Variants in TGM6 observed in about 807,000 individuals in gnomAD.
TGM6 encodes the protein protein-glutamine gamma-glutamyltransferase 6.
Under a neutral mutation model 77.5 loss-of-function variants are expected in TGM6, and 74 were observed. That is an observed-to-expected ratio of 0.96 (90% confidence interval 0.79 to 1.16). The LOEUF (loss-of-function observed/expected upper bound fraction) is 1.16, where lower values mean the gene tolerates loss of function less well. Ranked by LOEUF, TGM6 falls within the 50% of genes most tolerant of loss-of-function variation. The pLI is 0.00. For synonymous variants in TGM6, 383 were observed against 378.9 expected, an observed-to-expected ratio of 1.01 and a Z score of -0.12; for missense variants, 968 against 940.2, an observed-to-expected ratio of 1.03 and a Z score of -0.39.
intron 1 of TGM6, among the ~76,000 whole-genome samples, chr20:2,383,461 A>C (rs1421014309): frequency 6.6e-6 from 1 of 152,124 alleles, no homozygotes; most frequent in Non-Finnish European, 1.5e-5. Flanking sequence ...CCAGCTGGTG[A>C]GCAAATTAGT....
chr20:2,416,281 G>A lies in TGM6; in HGVS notation c.1337-951G>A, dbSNP rs111238589. 4.6e-5 allele frequency among the ~76,000 whole-genome samples: 7 copies of A among 152,248 alleles called. 1 individual carries two copies. The highest frequency in any genetic ancestry group is 1.4e-4 in the African/African-American group (6 of 41,538). ...AGTACTACAAATATACAGAAACCCC[G>A]ACAGTGTGACATTGGCATAAGAAGG... On this transcript the variant is annotated intron_variant, in intron 9 of 12. Coordinates refer to ENST00000202625, the MANE Select transcript of TGM6 (RefSeq NM_198994.3).
intron 9 of TGM6, among the ~76,000 whole-genome samples, chr20:2,414,882 C>G (rs1302937197): frequency 5.3e-5 from 5 of 94,594 alleles, no homozygotes; most frequent in African/African-American, 8.5e-5. Context: ...TTGCCTAGGG[C>G]TGGGGTTGGG....
At position 2,431,650 on chromosome 20, in the gene TGM6, T is replaced by C. The variant is rs560226169; in HGVS notation, c.1967+623T>C. On this transcript the variant is annotated intron_variant, in intron 12 of 12. Coordinates refer to ENST00000202625, the MANE Select transcript of TGM6 (RefSeq NM_198994.3). ...GCCCTTCACATGAGGACAGTGTGAT[T>C]TGTGAAAAAGATCTTGTCCAAGGTC... is the stretch of plus-strand genomic sequence containing the variant. 1.7e-3 allele frequency among the ~76,000 whole-genome samples: 252 copies of C among 152,274 alleles called. 1 individual carries two copies. Among genetic ancestry groups the C allele is most frequent in the South Asian group, 9.9e-3 (48 of 4,826 alleles).
At chr20:2,414,561 A>G (rs1353979274) in intron 9 of TGM6, among the ~76,000 whole-genome samples, 1 of 152,242 alleles carries the variant, frequency 6.6e-6, no homozygotes, top group Non-Finnish European at 1.5e-5. Context: ...ACTCCCAGCT[A>G]CATTTCCAAG....
At chr20:2,393,667 G>A (rs2084642890) in intron 1 of TGM6, among the ~76,000 whole-genome samples, 2 of 152,026 alleles carry the variant, frequency 1.3e-5, no homozygotes, top group African/African-American at 4.8e-5. Context: ...TGGGATTACA[G>A]GCACCCGCCA....
rs191323789 is a variant in TGM6, at chr20:2,394,348, G to C, written c.8-104G>C. ...AATCGCCGGTATATGATAAATAGCA[G>C]CTGGATGAACAAATGACTGGCCGAG... On this transcript the variant is annotated intron_variant, in intron 1 of 12. Coordinates refer to ENST00000202625, the MANE Select transcript of TGM6 (RefSeq NM_198994.3). The C allele has an allele frequency of 8.0e-4, 1,056 of 1,324,958 alleles. 9 individuals carry two copies. The Admixed American group carries it at 0.017, about 21-fold the overall frequency. The allele number at this position is 1,324,958 out of a possible 1,614,324, so 82.1% of individuals were successfully genotyped here. A position where few individuals can be genotyped will look rare whatever the true frequency, so the allele number is the denominator to read the frequency against.
rs376424667 is a variant in TGM6, at chr20:2,400,394, C to A, written c.939C>A (p.Tyr313Ter). ...ACCAGAACCTGAGTGTGGACAAATA[C>A]GTGGACTCCTTCGGGCGGACCCTGG... ...DTDQNLSVDK[Y>*]VDSFGRTLED... is the part of the protein sequence containing the mutation. The change falls in exon 7 of 13, where the codon TAC (tyrosine) becomes TAA (stop). Residue 313 changes from tyrosine to a stop codon, truncating the protein, a stop_gained. Coordinates refer to ENST00000202625, the MANE Select transcript of TGM6 (RefSeq NM_198994.3). LOFTEE classifies it high-confidence loss of function. The A allele has an allele frequency of 1.9e-6, 3 of 1,614,226 alleles. No homozygotes were observed. Among genetic ancestry groups the A allele is most frequent in the South Asian group, 2.2e-5 (2 of 91,092 alleles).
At chr20:2,387,173 C>T (rs2084601840) in intron 1 of TGM6, among the ~76,000 whole-genome samples, 1 of 152,208 alleles carries the variant, frequency 6.6e-6, no homozygotes, top group Non-Finnish European at 1.5e-5. Context: ...CTTGACAATT[C>T]TATGTACAAG....
At chr20:2,387,009 A>G (rs988172298) in intron 1 of TGM6, among the ~76,000 whole-genome samples, 5 of 152,178 alleles carry the variant, frequency 3.3e-5, no homozygotes, top group African/African-American at 1.2e-4. Flanking sequence ...CCCTACATAC[A>G]TTGCTTGGGA....
intron 11 of TGM6, 133 bp downstream of exon 11, chr20:2,430,733 T>G: frequency 1.9e-6 from 3 of 1,587,882 alleles, no homozygotes; most frequent in East Asian, 2.2e-5. Context: ...AGGAGTGGGT[T>G]GGACATAAGG....
At position 2,380,975 on chromosome 20, in the gene TGM6, G is replaced by A. The variant is rs1254596057; in HGVS notation, c.7G>A (p.Gly3Arg). Residue 3 changes from glycine (G) to arginine (R), a missense_variant and splice_region_variant, in exon 1 of 13, where the codon GGG becomes AGG. Physicochemically the swap from Gly to Arg is moderately radical, Grantham distance 125. Coordinates refer to ENST00000202625, the MANE Select transcript of TGM6 (RefSeq NM_198994.3). ...GAGTCCAGCTGGCCTTCACATGGCA[G>A]GTAAGTGGGCAGAGCCTGGGGCCTT... MA[G>R]IRVTKVDWQR... is the part of the protein sequence containing the mutation. The A allele has an allele frequency of 6.8e-6, 11 of 1,608,576 alleles. No individual in the cohort carries two copies. The highest frequency in any genetic ancestry group is 8.5e-6 in the Non-Finnish European group (10 of 1,178,618).
At chr20:2,425,111 T>C (rs2084879164) in intron 10 of TGM6, among the ~76,000 whole-genome samples, 1 of 151,956 alleles carries the variant, frequency 6.6e-6, no homozygotes, top group Non-Finnish European at 1.5e-5. Flanking sequence ...GAGGCCAAAG[T>C]GAGAGAACTG....
chr20:2,394,568 C>A lies in TGM6; in HGVS notation c.124C>A (p.Leu42Met), dbSNP rs759380126. The A allele has an allele frequency of 2.5e-6, 4 of 1,612,404 alleles. No individual in the cohort carries two copies. Among genetic ancestry groups the A allele is most frequent in the South Asian group, 1.1e-5 (1 of 90,946 alleles). Residue 42 changes from leucine (L) to methionine (M), a missense_variant, in exon 2 of 13, where the codon CTG becomes ATG. Transcript: ENST00000202625. ...VRRGQSFSLT[L>M]ELSRALDCEE... Reference sequence around the variant, plus strand: ...CAGGGGCCAGTCGTTCAGCCTCACGCTGGAGCTGAGCAGAGCCCTGGACTG... The same window carrying A: ...CAGGGGCCAGTCGTTCAGCCTCACGATGGAGCTGAGCAGAGCCCTGGACTG...
intron 4 of TGM6, among the ~76,000 whole-genome samples, chr20:2,397,697 G>T (rs890963813): frequency 6.6e-6 from 1 of 152,176 alleles, no homozygotes; most frequent in African/African-American, 2.4e-5. Context: ...AGATTGTTGA[G>T]CAGGGGAGAG....
At position 2,417,371 on chromosome 20, in the gene TGM6, G is replaced by A. The variant is rs2295077; in HGVS notation, c.1476G>A (p.Lys492=). ...ACGACCTCCTGGAGCCTGCCACCAA[G>A]CCCAGCATCGCTGGCAAGTTCAAGG... The part of the protein sequence containing the change: ...WRDDLLEPAT[K]PSIAGKFKVL... The change falls in exon 10 of 13, where the codon AAG becomes AAA. Residue 492 remains lysine, a synonymous_variant. Transcript: ENST00000202625. 325,338 of 1,613,162 alleles carry A rather than the reference G, an allele frequency of 0.2. 38,092 individuals carry two copies. The highest frequency in any genetic ancestry group is 0.48 in the African/African-American group (35,685 of 74,890).
rs754691066 is a variant in TGM6 at position 2,430,650 on chromosome 20, C to T, written c.1833+50C>T. On this transcript the variant is annotated intron_variant, in intron 11 of 12. Coordinates refer to ENST00000202625, the MANE Select transcript of TGM6 (RefSeq NM_198994.3). Reference sequence around the variant, plus strand: ...GCTGTTCCTAGTGGCACCCACTCCCCAGAGCTGGGGGAGGGCGTCAGAAGC... The same window carrying T: ...GCTGTTCCTAGTGGCACCCACTCCCTAGAGCTGGGGGAGGGCGTCAGAAGC... The T allele has an allele frequency of 5.0e-6, 8 of 1,612,430 alleles. No homozygotes were observed. In the Admixed American group the frequency reaches 1.3e-4, roughly 27 times the overall value.
intron 1 of TGM6, among the ~76,000 whole-genome samples, chr20:2,382,302 C>A (rs2084560768): frequency 6.6e-6 from 1 of 152,136 alleles, no homozygotes; most frequent in African/African-American, 2.4e-5. Flanking sequence ...AGCTCACAGC[C>A]CAGACTGCCT....
chr20:2,424,400 A>G (rs1483345889), intron 10 of TGM6, among the ~76,000 whole-genome samples: 1 of 152,236 alleles, frequency 6.6e-6, no homozygotes, highest in Admixed American at 6.5e-5. Flanking sequence ...TTTATGTTAT[A>G]GAGATGGCGT....
rs1568665932 is a variant in TGM6, at chr20:2,414,941, G to GT, written c.1337-2291_1337-2290insT. ...CCTGATGGTTACAGAATTTGGGGGGGGGGGTGAAAAAACGTTCTAAAATTA... is the reference window on the plus strand; with the variant it reads ...CCTGATGGTTACAGAATTTGGGGGGGTGGGGTGAAAAAACGTTCTAAAATTA... On this transcript the variant is annotated intron_variant, in intron 9 of 12. Coordinates refer to ENST00000202625, the MANE Select transcript of TGM6 (RefSeq NM_198994.3). Among the ~76,000 whole-genome samples, 6 of 139,798 alleles carry GT rather than the reference G, an allele frequency of 4.3e-5. No homozygotes were observed. In the South Asian group the frequency reaches 1.3e-3, roughly 30 times the overall value. The allele number at this position is 139,798 out of a possible 152,430, so 91.7% of individuals were successfully genotyped here. A position where few individuals can be genotyped will look rare whatever the true frequency, so the allele number is the denominator to read the frequency against.
Sources: allele counts gnomAD v4.1 joint callset (sites outside exome capture counted in the v4.1 genomes callset), GRCh38; gene constraint gnomAD v4.1.1; transcripts MANE v1.5; gene names NCBI Gene and HGNC (gene_info 2026-07-23, HGNC 2026-07-21).